Variants in DPF3 observed in about 807,000 individuals in gnomAD.
The protein encoded by DPF3 is zinc finger protein DPF3.
DPF3 carries 18 observed loss-of-function variants against 56.8 expected under a neutral mutation model. The observed-to-expected ratio is 0.32, with a 90% CI of 0.22 to 0.47. DPF3 has a LOEUF of 0.47. Among genes scored for constraint, DPF3 ranks in the 20% least tolerant of loss-of-function variants. DPF3 has a pLI of 1.00. For synonymous variants in DPF3, 188 were observed against 180.2 expected, an observed-to-expected ratio of 1.04 and a Z score of -0.35; for missense variants, 403 against 488.8, an observed-to-expected ratio of 0.82 and a Z score of 1.65.
intron 1 of DPF3, among the ~76,000 whole-genome samples, chr14:72,863,100 A>ATATATATATGTG (rs1413440131): frequency 4.5e-5 from 5 of 110,608 alleles, no homozygotes; most frequent in African/African-American, 1.8e-4. Flanking sequence ...ATATATATAT[A>ATATATATATGTG]TGTGTGTGTA....
chr14:72,858,344 C>G (rs1489471337), intron 1 of DPF3, among the ~76,000 whole-genome samples: 1 of 150,928 alleles, frequency 6.6e-6, no homozygotes, highest in African/African-American at 2.4e-5. Context: ...TGTCCAACTC[C>G]AGGCTTGTGC....
At chr14:72,890,501 G>GATGATAATAATA (rs147775004) in intron 1 of DPF3, among the ~76,000 whole-genome samples, 4 of 146,492 alleles carry the variant, frequency 2.7e-5, no homozygotes, top group African/African-American at 2.5e-5. Flanking sequence ...AAAAAATAAT[G>GATGATAATAATA]ATAATAATAA....
intron 4 of DPF3, among the ~76,000 whole-genome samples, chr14:72,724,900 C>A (rs1199212723): frequency 6.6e-6 from 1 of 151,792 alleles, no homozygotes; most frequent in Non-Finnish European, 1.5e-5. Flanking sequence ...AGATGGGGGT[C>A]TCACTATGTT....
At position 72,670,115 on chromosome 14, in the gene DPF3, A is replaced by G. The variant is rs924674512; in HGVS notation, c.871+4125T>C. 5 of 985,786 alleles carry G rather than the reference A, an allele frequency of 5.1e-6. No homozygotes were observed. The Admixed American group carries it at 2.5e-4, about 48-fold the overall frequency. 61.1% of individuals were successfully genotyped at this position (985,786 alleles called of 1,614,324 possible). ...CCTGGCAGGCACTATAAAAAAAAAT[A>G]GAAGAAATACGGTAGCCTTGATCAT... On this transcript the variant is annotated intron_variant, in intron 8 of 10. Transcript: ENST00000556509.
In DPF3 at chr14:72,727,555, G is replaced by A. The variant is rs1180451281; in HGVS notation, c.430-3827C>T. 2.0e-5 allele frequency among the ~76,000 whole-genome samples: 3 copies of A among 149,346 alleles called. No individual in the cohort carries two copies. The Admixed American group carries it at 2.0e-4, about 10-fold the overall frequency. ...TGTACCATTGCACTCCAGCCTGGGT[G>A]ACGAGGCGAGACTCCATCTCAAAAA... On this transcript the variant is annotated intron_variant, in intron 4 of 10. Transcript: ENST00000556509.
At chr14:72,864,034 G>T (rs78174609) in intron 1 of DPF3, among the ~76,000 whole-genome samples, 1,642 of 152,276 alleles carry the variant, frequency 0.011, 41 homozygotes, top group East Asian at 0.074. Context: ...GGTGGAATGG[G>T]AGGCTGAAAT....
intron 8 of DPF3, among the ~76,000 whole-genome samples, chr14:72,657,683 G>T (rs1886095585): frequency 6.6e-6 from 1 of 152,008 alleles, no homozygotes; most frequent in Non-Finnish European, 1.5e-5. Flanking sequence ...CTAAATTAGG[G>T]ATCAGCAAAC....
intron 6 of DPF3, among the ~76,000 whole-genome samples, chr14:72,701,169 G>A (rs1295619795): frequency 6.6e-6 from 1 of 152,134 alleles, no homozygotes; most frequent in Non-Finnish European, 1.5e-5. Flanking sequence ...TCCTTCCCCG[G>A]GGGCAAGCGC....
intron 1 of DPF3, among the ~76,000 whole-genome samples, chr14:72,867,508 C>T (rs910109399): frequency 1.1e-4 from 17 of 152,044 alleles, no homozygotes; most frequent in African/African-American, 3.9e-4. Flanking sequence ...CCTCTCTGGC[C>T]GATAGATGGT....
intron 6 of DPF3, among the ~76,000 whole-genome samples, 163 bp downstream of exon 6, chr14:72,714,260 G>A (rs1237825996): frequency 6.6e-6 from 1 of 152,216 alleles, no homozygotes; most frequent in Non-Finnish European, 1.5e-5. Context: ...CAAGGAAGTG[G>A]TGACTGCGGT....
intron 5 of DPF3, among the ~76,000 whole-genome samples, chr14:72,721,139 T>A (rs1422840336): frequency 6.6e-6 from 1 of 152,146 alleles, no homozygotes; most frequent in Non-Finnish European, 1.5e-5. Context: ...GAAATAGAGA[T>A]AGGAGTCTAA....
chr14:72,647,500 C>T (rs1000522091), intron 8 of DPF3, among the ~76,000 whole-genome samples: 10 of 152,164 alleles, frequency 6.6e-5, no homozygotes, highest in Non-Finnish European at 1.0e-4. Flanking sequence ...ATACTCTCTC[C>T]CCAAGATAAG....
intron 1 of DPF3, among the ~76,000 whole-genome samples, chr14:72,874,065 A>G (rs1359178533): frequency 2.3e-5 from 3 of 127,758 alleles, no homozygotes; most frequent in African/African-American, 8.9e-5. Flanking sequence ...TAAAACTTAA[A>G]GTATGATAAA....
At chr14:72,670,416 CAGGCAT>C in intron 8 of DPF3, 4 of 985,942 alleles carry the variant, frequency 4.1e-6, no homozygotes, top group Non-Finnish European at 3.6e-6. Context: ...GGAGGGAGGC[CAGGCAT>C]AGGCACCCCG....
chr14:72,681,278 G>A (rs1003727805), intron 7 of DPF3, among the ~76,000 whole-genome samples: 1 of 152,148 alleles, frequency 6.6e-6, no homozygotes, highest in Admixed American at 6.5e-5. Flanking sequence ...CTCTTATATC[G>A]GGGCACAGAA....
chr14:72,826,956 C>T (rs1223327420), intron 1 of DPF3, among the ~76,000 whole-genome samples: 1 of 151,224 alleles, frequency 6.6e-6, no homozygotes, highest in South Asian at 2.1e-4. Context: ...GCAGGAGAAT[C>T]GCTTGAAACT....
chr14:72,824,561 T>TTTTG (rs1555510675), intron 1 of DPF3, among the ~76,000 whole-genome samples: 8 of 151,498 alleles, frequency 5.3e-5, no homozygotes, highest in East Asian at 1.9e-4. Context: ...CTTTTTTTTT[T>TTTTG]TTTGTTTGTT....
At chr14:72,834,979 A>G (rs1374623902) in intron 1 of DPF3, among the ~76,000 whole-genome samples, 1 of 104,702 alleles carries the variant, frequency 9.6e-6, no homozygotes, top group Non-Finnish European at 1.9e-5. Flanking sequence ...TTTCATCTCT[A>G]TGGAATATCT....
chr14:72,709,898 A>T, intron 6 of DPF3, among the ~76,000 whole-genome samples: 1 of 152,350 alleles, frequency 6.6e-6, no homozygotes, highest in Non-Finnish European at 1.5e-5. Flanking sequence ...AATTAAGACC[A>T]TGATTCAGAA....
Sources: gnomAD v4.1 joint callset for allele counts (sites outside exome capture counted in the v4.1 genomes callset) on GRCh38, gnomAD v4.1.1 for gene constraint, MANE v1.5 for transcripts, NCBI Gene and HGNC (gene_info 2026-07-23, HGNC 2026-07-21) for gene names.